EBF1: variants seen among roughly 807,000 people sequenced by gnomAD.
EBF1 encodes the protein EBF transcription factor 1.
A neutral mutation model predicts 68.4 loss-of-function variants in EBF1; 10 were observed. That is an observed-to-expected ratio of 0.15 (90% CI 0.09 to 0.25). The LOEUF (loss-of-function observed/expected upper bound fraction) is 0.25. Ranked by LOEUF, EBF1 falls within the 10% of genes least tolerant of loss-of-function variation. EBF1 has a pLI of 1.00. For synonymous variants in EBF1, 298 were observed against 299.8 expected (o/e 0.99, Z 0.06); for missense variants, 509 against 794.4 (o/e 0.64, Z 4.32).
At chr5:158,875,699 T>C (rs1206670971) in intron 6 of EBF1, among the ~76,000 whole-genome samples, 1 of 152,228 alleles carries the variant, frequency 6.6e-6, no homozygotes, top group African/African-American at 2.4e-5. Flanking sequence ...ACGTCTTGAT[T>C]TCCCTGTGCA....
chr5:158,732,329 A>G (rs534219491), intron 10 of EBF1, among the ~76,000 whole-genome samples: 4 of 152,342 alleles, frequency 2.6e-5, no homozygotes, highest in African/African-American at 9.6e-5. Context: ...AAAAAACTGT[A>G]TTAAATTCAA....
intron 6 of EBF1, among the ~76,000 whole-genome samples, chr5:159,014,829 T>A (rs1198782392): frequency 6.6e-6 from 1 of 152,178 alleles, no homozygotes; most frequent in Non-Finnish European, 1.5e-5. Context: ...TCCATTCTGC[T>A]GCTAGGAATA....
chr5:158,823,273 T>C lies in EBF1; in HGVS notation c.681A>G (p.Ala227=). The C allele has an allele frequency of 6.8e-6, 11 of 1,613,920 alleles. No homozygotes were observed. Among genetic ancestry groups the C allele is most frequent in the Non-Finnish European group, 9.3e-6 (11 of 1,179,892 alleles). ...TATGGACAAACATGTTATCAGAGAC[T>C]GCCAGGACATGGCCATCCACATTGA... is the stretch of plus-strand genomic sequence containing the variant. ...TTVNVDGHVL[A]VSDNMFVHNN... Residue 227 remains alanine (A), a synonymous_variant, in exon 8 of 16, where the codon GCA becomes GCG. Transcript: ENST00000313708.
rs145904917 is a variant in EBF1, at chr5:158,761,524, G to A, written c.1036+15889C>T. Reference sequence around the variant, plus strand: ...CAGTGCAGCCAGTGGTAATTACATGGTAATTCACATTAACTTCATAATAAG... The same window carrying A: ...CAGTGCAGCCAGTGGTAATTACATGATAATTCACATTAACTTCATAATAAG... On this transcript the variant is annotated intron_variant, in intron 10 of 15. Coordinates refer to ENST00000313708, the MANE Select transcript of EBF1 (RefSeq NM_024007.5). Among the ~76,000 whole-genome samples the A allele has an allele frequency of 5.1e-3, 784 of 152,264 alleles. 4 individuals are homozygous for A. The highest frequency in any genetic ancestry group is 0.022 in the Admixed American group (335 of 15,296).
At chr5:158,922,916 T>C (rs900773131) in intron 6 of EBF1, among the ~76,000 whole-genome samples, 3 of 152,206 alleles carry the variant, frequency 2.0e-5, no homozygotes, top group African/African-American at 7.2e-5. Flanking sequence ...GAATTCACAA[T>C]GGACTTTTTG....
At chr5:158,845,952 C>G (rs1037504272) in intron 6 of EBF1, among the ~76,000 whole-genome samples, 2 of 152,164 alleles carry the variant, frequency 1.3e-5, no homozygotes. Flanking sequence ...TTACCTCCCC[C>G]AACCCAAATT....
chr5:158,832,738 C>A (rs548051176), intron 7 of EBF1, among the ~76,000 whole-genome samples: 3 of 152,140 alleles, frequency 2.0e-5, no homozygotes, highest in African/African-American at 7.2e-5. Context: ...CTAAAACATA[C>A]GGATCCAGAG....
chr5:158,847,488 C>T (rs1791757845), intron 6 of EBF1, among the ~76,000 whole-genome samples: 1 of 152,166 alleles, frequency 6.6e-6, no homozygotes, highest in Non-Finnish European at 1.5e-5. Flanking sequence ...TTAACACTGA[C>T]TTCTGGCTAT....
chr5:159,088,277 T>A (rs1418358313), intron 4 of EBF1, among the ~76,000 whole-genome samples: 1 of 152,156 alleles, frequency 6.6e-6, no homozygotes, highest in East Asian at 1.9e-4. Flanking sequence ...TTGATGAATG[T>A]CTCTGATGCA....
At chr5:158,900,210 T>C (rs1042291201) in intron 6 of EBF1, among the ~76,000 whole-genome samples, 1 of 152,196 alleles carries the variant, frequency 6.6e-6, no homozygotes, top group Non-Finnish European at 1.5e-5. Flanking sequence ...CCTCTGGGGT[T>C]ATATTTTACA....
intron 10 of EBF1, among the ~76,000 whole-genome samples, chr5:158,750,083 C>T (rs1346900003): frequency 2.6e-5 from 4 of 151,908 alleles, no homozygotes; most frequent in African/African-American, 9.7e-5. Context: ...TTTATGAAGG[C>T]TAGAAAGAGG....
At chr5:159,008,206 CT>C (rs1472941321) in intron 6 of EBF1, among the ~76,000 whole-genome samples, 1 of 152,192 alleles carries the variant, frequency 6.6e-6, no homozygotes, top group Non-Finnish European at 1.5e-5. Flanking sequence ...AGAAGTCAAA[CT>C]TTTGACCCAG....
chr5:158,699,735 G>A (rs1756330785), intron 15 of EBF1, among the ~76,000 whole-genome samples: 1 of 152,174 alleles, frequency 6.6e-6, no homozygotes. Context: ...TAGCTGGGAG[G>A]AGAAGACAGG....
At chr5:158,708,211 T>G in intron 14 of EBF1, 38 bp from the exon 15 acceptor site, 1 of 1,543,784 alleles carries the variant, frequency 6.5e-7, no homozygotes, top group South Asian at 1.2e-5. Flanking sequence ...TCAGTGCCTT[T>G]CATGGCATCC....
At chr5:159,097,434 C>A (rs1371536829) in intron 1 of EBF1, 1 of 390,280 alleles carries the variant, frequency 2.6e-6, no homozygotes, top group Non-Finnish European at 4.6e-6. Context: ...TCCTACCTGA[C>A]ACGCACTGCG....
chr5:158,796,139 C>T (rs1035446405), intron 9 of EBF1, among the ~76,000 whole-genome samples: 2 of 152,132 alleles, frequency 1.3e-5, no homozygotes, highest in African/African-American at 4.8e-5. Context: ...TGCTTATGGG[C>T]CAAAGAAAGG....
At chr5:158,882,303 A>C (rs549706925) in intron 6 of EBF1, among the ~76,000 whole-genome samples, 1 of 152,206 alleles carries the variant, frequency 6.6e-6, no homozygotes, top group Non-Finnish European at 1.5e-5. Context: ...ACGTCTCTCC[A>C]TTTGGTATAA....
intron 6 of EBF1, among the ~76,000 whole-genome samples, chr5:159,028,671 A>G (rs1191379038): frequency 2.0e-5 from 3 of 152,208 alleles, no homozygotes; most frequent in Non-Finnish European, 2.9e-5. Context: ...CAGTGCTAGC[A>G]CGGAGCATGG....
intron 15 of EBF1, 90 bp downstream of exon 15, chr5:158,707,889 C>G: frequency 7.1e-7 from 1 of 1,404,900 alleles, no homozygotes. Context: ...AGGCTGATAC[C>G]CTCAGCAATG....
Sources: allele counts gnomAD v4.1 joint callset (sites outside exome capture counted in the v4.1 genomes callset), GRCh38; gene constraint gnomAD v4.1.1; transcripts MANE v1.5; gene names NCBI Gene and HGNC (gene_info 2026-07-23, HGNC 2026-07-21).